CIT: variants seen among roughly 807,000 people sequenced by gnomAD.
CIT encodes the protein citron Rho-interacting kinase.
A neutral mutation model predicts 272.7 loss-of-function variants in CIT; 79 were observed. The ratio of observed to expected loss-of-function variants is 0.29; its 90% CI spans 0.24 to 0.35. The LOEUF is 0.35. Ranked by LOEUF, CIT falls within the 10% of genes least tolerant of loss-of-function variation. The probability of loss-of-function intolerance (pLI) is 1.00; values close to 1 mark genes in which losing one functional copy is unlikely to be tolerated. For missense variants in CIT, 1,909 were observed against 2,618.3 expected (o/e 0.73, Z 5.91); for synonymous variants, 948 against 995.6 (o/e 0.95, Z 0.90).
At position 119,712,370 on chromosome 12, in the gene CIT, G is replaced by T. The variant is rs765377699; in HGVS notation, c.4685-23C>A. ...CATCTAGGAGATTTCAGAGAGCACA[G>T]GATTGGGTGTGGATTTCCCCCGTTC... On this transcript the variant is annotated intron_variant, in intron 36 of 47. Transcript: ENST00000392521. The surrounding 1 kb of genome is among the most constrained non-coding windows in gnomAD (Gnocchi z 5.2). The T allele has an allele frequency of 3.1e-6, 5 of 1,593,700 alleles. No homozygotes were observed. The highest frequency in any genetic ancestry group is 3.4e-6 in the Non-Finnish European group (4 of 1,167,880).
chr12:119,701,335 C>T (rs955555254), intron 43 of CIT, among the ~76,000 whole-genome samples: 9 of 149,174 alleles, frequency 6.0e-5, no homozygotes, highest in African/African-American at 2.2e-4. Context: ...GAGGGGAGGA[C>T]GAAATGAGGA....
chr12:119,813,320 T>C (rs759402445), intron 9 of CIT, among the ~76,000 whole-genome samples: 1 of 152,220 alleles, frequency 6.6e-6, no homozygotes, highest in Non-Finnish European at 1.5e-5. Flanking sequence ...CTATATTTAT[T>C]TTCTCTGAAG....
chr12:119,852,754 T>TTA (rs1698780837), intron 4 of CIT, among the ~76,000 whole-genome samples: 1 of 151,742 alleles, frequency 6.6e-6, no homozygotes, highest in South Asian at 2.1e-4. Context: ...AATAAATAAA[T>TTA]TATATATATG....
At chr12:119,705,749 G>A (rs1280867061) in intron 40 of CIT, among the ~76,000 whole-genome samples, 6 of 136,690 alleles carry the variant, frequency 4.4e-5, no homozygotes, top group African/African-American at 1.4e-4. Flanking sequence ...TCCAGCCTGG[G>A]TGACAGAGTG....
At position 119,688,211 on chromosome 12, in the gene CIT, G is replaced by T; in HGVS notation, c.*21C>A. The T allele has an allele frequency of 6.2e-7, 1 of 1,611,330 alleles. No individual in the cohort carries two copies. Among genetic ancestry groups the T allele is most frequent in the Non-Finnish European group, 8.5e-7 (1 of 1,177,358 alleles). On this transcript the variant is annotated 3_prime_UTR_variant, in exon 48 of 48. Transcript: ENST00000392521. ...GTTTTCCTGCAGATCAAGATGAGGA[G>T]TTGGTTTTTCTGGCTGAGATTTATA...
At chr12:119,703,413 T>C (rs1956697013) in intron 41 of CIT, among the ~76,000 whole-genome samples, 1 of 149,486 alleles carries the variant, frequency 6.7e-6, no homozygotes, top group Non-Finnish European at 1.5e-5. Flanking sequence ...TATTCACCCT[T>C]CATTTCACTT....
In CIT at chr12:119,834,176, TC is replaced by T; in HGVS notation, c.568del (p.Glu190ArgfsTer4). On this transcript the variant is annotated frameshift_variant, in exon 6 of 48. Transcript: ENST00000392521. LOFTEE classifies it high-confidence loss of function. The part of the protein sequence containing the change: ...GDLLSLLNRY[E>X]DQLDENLIQF... The stretch of plus-strand genomic sequence containing the variant: ...TATCAGGTTTTCATCTAACTGGTCC[TC>T]ATATCTATTCAAAAGTGACAGCAAG... 6.2e-7 allele frequency: 1 copy of T among 1,613,922 alleles called. No individual in the cohort carries two copies. Among genetic ancestry groups the T allele is most frequent in the Non-Finnish European group, 8.5e-7 (1 of 1,179,914 alleles).
chr12:119,740,282 T>G (rs780983337), intron 24 of CIT, among the ~76,000 whole-genome samples: 1 of 152,208 alleles, frequency 6.6e-6, no homozygotes, highest in Non-Finnish European at 1.5e-5. Context: ...TACATACTAG[T>G]GTATTCCACT....
intron 44 of CIT, among the ~76,000 whole-genome samples, chr12:119,700,508 G>T (rs1164445496): frequency 2.0e-5 from 3 of 152,176 alleles, no homozygotes; most frequent in Non-Finnish European, 4.4e-5. Context: ...TCAGCTTCCT[G>T]AGTAGCTGGG....
At chr12:119,794,696 C>T (rs566427044) in intron 10 of CIT, among the ~76,000 whole-genome samples, 3 of 152,222 alleles carry the variant, frequency 2.0e-5, no homozygotes, top group Non-Finnish European at 4.4e-5. Context: ...TCAGGCCCCC[C>T]ACGTGGAGCT....
rs750046000 is a variant in CIT at position 119,710,324 on chromosome 12, G to A, written c.4998C>T (p.Thr1666=). Reference sequence around the variant, plus strand: ...AGACTGCTCCAATTCCTGGGACATGGGTTAGGGAGTTTTTCAAGACATTCA... The same window carrying A: ...AGACTGCTCCAATTCCTGGGACATGAGTTAGGGAGTTTTTCAAGACATTCA... ...YALNVLKNSL[T]HVPGIGAVFQ... Residue 1666 remains threonine (T), a synonymous_variant, in exon 39 of 48, where the codon ACC becomes ACT. Transcript: ENST00000392521. The surrounding 1 kb of genome is among the most constrained non-coding windows in gnomAD (Gnocchi z 5.6). 1 of 1,614,224 alleles carries A rather than the reference G, an allele frequency of 6.2e-7. No homozygotes were observed. The highest frequency in any genetic ancestry group is 8.5e-7 in the Non-Finnish European group (1 of 1,180,038).
chr12:119,764,701 T>C (rs1263862582), intron 19 of CIT, among the ~76,000 whole-genome samples: 1 of 151,538 alleles, frequency 6.6e-6, no homozygotes, highest in Admixed American at 6.6e-5. Flanking sequence ...TTGGGAAATA[T>C]GTCAGAAGAA....
At chr12:119,789,280 A>C (rs1232005714) in intron 10 of CIT, among the ~76,000 whole-genome samples, 1 of 152,214 alleles carries the variant, frequency 6.6e-6, no homozygotes. Flanking sequence ...CTTAAAACTC[A>C]TTGTATGACC....
chr12:119,713,015 G>T lies in CIT; in HGVS notation c.4579+188C>A, dbSNP rs1014399591. The stretch of plus-strand genomic sequence containing the variant: ...AGGGCAGCGCCCTGCGGGTTCTTCA[G>T]GGGGGAGACCTATAGATGTGAGTAT... On this transcript the variant is annotated intron_variant, in intron 35 of 47. Transcript: ENST00000392521. The surrounding 1 kb of genome is among the most constrained non-coding windows in gnomAD (Gnocchi z 5.2). 2.8e-5 allele frequency: 18 copies of T among 636,398 alleles called. No homozygotes were observed. The highest frequency in any genetic ancestry group is 1.3e-4 in the East Asian group (5 of 38,232). The allele number at this position is 636,398 out of a possible 1,614,324, so 39.4% of individuals were successfully genotyped here. A position where few individuals can be genotyped will look rare whatever the true frequency, so the allele number is the denominator to read the frequency against.
intron 17 of CIT, among the ~76,000 whole-genome samples, chr12:119,772,451 G>C (rs1261272071): frequency 6.6e-6 from 1 of 152,014 alleles, no homozygotes; most frequent in African/African-American, 2.4e-5. Context: ...AAAACAGAGG[G>C]AAGAGAAAGA....
rs554998592 is a variant in CIT at position 119,758,170 on chromosome 12, T to A, written c.2531+421A>T. On this transcript the variant is annotated intron_variant, in intron 21 of 47. Transcript: ENST00000392521. ...CTGGGGGAAAAGATTCAGCTCAAAG[T>A]GCTCCTGGAACACAGCCCTTGCTGA... Among the ~76,000 whole-genome samples, 19 of 152,294 alleles carry A rather than the reference T, an allele frequency of 1.2e-4. No homozygotes were observed. In the South Asian group the frequency reaches 3.9e-3, roughly 32 times the overall value.
At position 119,721,574 on chromosome 12, in the gene CIT, A is replaced by G. The variant is rs1385406600; in HGVS notation, c.3592-125T>C. 9.0e-6 allele frequency: 8 copies of G among 887,052 alleles called. No individual in the cohort carries two copies. In the African/African-American group the frequency reaches 1.0e-4, roughly 11 times the overall value. 54.9% of individuals were successfully genotyped at this position (887,052 alleles called of 1,614,324 possible). A position where few individuals can be genotyped will look rare whatever the true frequency, so the allele number is the denominator to read the frequency against. Reference sequence around the variant, plus strand: ...AAGTACAGCTTTTGAAATCATCTCAATTCAGAATTACCAATTGTCATCTAT... The same window carrying G: ...AAGTACAGCTTTTGAAATCATCTCAGTTCAGAATTACCAATTGTCATCTAT... On this transcript the variant is annotated intron_variant, in intron 28 of 47. Transcript: ENST00000392521.
chr12:119,782,272 T>C, intron 13 of CIT: 2 of 320,992 alleles, frequency 6.2e-6, no homozygotes, highest in Non-Finnish European at 5.7e-6. Context: ...CCTACATCTT[T>C]ATTTTTAAAA....
At chr12:119,759,247 G>A (rs1295383717) in intron 20 of CIT, among the ~76,000 whole-genome samples, 2 of 152,314 alleles carry the variant, frequency 1.3e-5, no homozygotes, top group East Asian at 3.9e-4. Flanking sequence ...ATTACTGCCT[G>A]AGCTCTACCT....
Sources: allele counts gnomAD v4.1 joint callset (sites outside exome capture counted in the v4.1 genomes callset), GRCh38; gene constraint gnomAD v4.1.1; non-coding constraint Gnocchi (gnomAD v3.1); transcripts MANE v1.5; gene names NCBI Gene and HGNC (gene_info 2026-07-23, HGNC 2026-07-21).